The following CDCP2 variants were observed in gnomAD, a reference collection of about 807,000 sequenced individuals.
CDCP2 encodes CUB domain containing protein 2.
CDCP2 carries 31 observed loss-of-function variants against 31.0 expected under a neutral mutation model. The ratio of observed to expected loss-of-function variants is 1.00; its 90% CI spans 0.75 to 1.35. The LOEUF (loss-of-function observed/expected upper bound fraction) is 1.35. CDCP2 is among the 40% of genes most tolerant of loss of function. The probability of loss-of-function intolerance (pLI) is 0.00; values close to 1 mark genes in which losing one functional copy is unlikely to be tolerated. For synonymous variants in CDCP2, 206 were observed against 207.9 expected (o/e 0.99, Z 0.08); for missense variants, 443 against 482.6 (o/e 0.92, Z 0.77).
In CDCP2 at chr1:54,140,122, G is replaced by C. The variant is rs769038777; in HGVS notation, c.764-16C>G. On this transcript the variant is annotated splice_polypyrimidine_tract_variant and intron_variant, in intron 3 of 5. Transcript: ENST00000530059. ...TGGCATTCTCCTGGATGGGGGATGGGGAGGTGGAAGGAGCAACAGTGAGGG... is the reference window on the plus strand; with the variant it reads ...TGGCATTCTCCTGGATGGGGGATGGCGAGGTGGAAGGAGCAACAGTGAGGG... The C allele has an allele frequency of 5.6e-6, 9 of 1,608,220 alleles. No homozygotes were observed.
intron 1 of CDCP2, among the ~76,000 whole-genome samples, chr1:54,149,830 G>A (rs990792425): frequency 6.6e-6 from 1 of 152,218 alleles, no homozygotes; most frequent in African/African-American, 2.4e-5. Flanking sequence ...GAATGAGTGA[G>A]TGAATAATCT....
intron 1 of CDCP2, 136 bp downstream of exon 1, chr1:54,152,708 A>C (rs1478920128): frequency 1.4e-6 from 1 of 734,084 alleles, no homozygotes; most frequent in Non-Finnish European, 2.3e-6. Flanking sequence ...AGGAACAAAC[A>C]CATTCTCAAC....
chr1:54,150,047 T>C (rs1048392982), intron 1 of CDCP2, among the ~76,000 whole-genome samples: 42 of 152,248 alleles, frequency 2.8e-4, no homozygotes, highest in African/African-American at 1.0e-3. Flanking sequence ...CTCCATGTGG[T>C]AACCCTCCCT....
At chr1:54,133,634 C>G in intron 5 of CDCP2, among the ~76,000 whole-genome samples, 1 of 152,182 alleles carries the variant, frequency 6.6e-6, no homozygotes, top group East Asian at 1.9e-4. Flanking sequence ...CGGTGGCTCA[C>G]GCCTGTAATC....
intron 2 of CDCP2, chr1:54,142,900 G>A (rs1434642944): frequency 6.6e-6 from 1 of 152,182 alleles, no homozygotes; most frequent in Non-Finnish European, 1.5e-5. Flanking sequence ...CTCTTTTAAT[G>A]TAATGAAAAG....
intron 5 of CDCP2, among the ~76,000 whole-genome samples, chr1:54,134,088 GGGCTTTTCAA>G (rs1181581008): frequency 1.3e-5 from 2 of 151,970 alleles, no homozygotes; most frequent in Non-Finnish European, 2.9e-5. Flanking sequence ...GAACCAAAGG[GGGCTTTTCAA>G]AGCATCGACT....
intron 1 of CDCP2, among the ~76,000 whole-genome samples, chr1:54,151,070 G>C (rs1165189085): frequency 6.6e-6 from 1 of 152,158 alleles, no homozygotes; most frequent in Admixed American, 6.5e-5. Context: ...TATCAAGGAG[G>C]GGCAAGATTT....
intron 5 of CDCP2, among the ~76,000 whole-genome samples, chr1:54,136,170 T>TG (rs1358631679): frequency 6.6e-6 from 1 of 152,106 alleles, no homozygotes; most frequent in Non-Finnish European, 1.5e-5. Flanking sequence ...AGGTTGGGGA[T>TG]GGGTGGGAGA....
intron 2 of CDCP2, chr1:54,141,686 A>G (rs951641622): frequency 1.8e-5 from 7 of 382,738 alleles, no homozygotes; most frequent in Non-Finnish European, 2.8e-5. Context: ...TGATTTTATA[A>G]TTAAGAAAAG....
chr1:54,133,914 A>AAACAAACCAAC (rs1275262427), intron 5 of CDCP2, among the ~76,000 whole-genome samples: 1 of 147,704 alleles, frequency 6.8e-6, no homozygotes, highest in Non-Finnish European at 1.5e-5. Context: ...ACAAACAAAC[A>AAACAAACCAAC]AAAAAAACCC....
chr1:54,144,473 G>A, exon 2 of CDCP2: 1 of 1,572,166 alleles, frequency 6.4e-7, no homozygotes, highest in African/African-American at 1.3e-5. Flanking sequence ...GACCTTTCTG[G>A]TAGCCCGCAG....
intron 2 of CDCP2, chr1:54,142,984 A>G (rs1659400331): frequency 6.6e-6 from 1 of 152,250 alleles, no homozygotes; most frequent in African/African-American, 2.4e-5. Context: ...AATTTAACTC[A>G]TTAGAGGCCA....
intron 1 of CDCP2, among the ~76,000 whole-genome samples, chr1:54,148,974 A>ATATATAATATATTTATTATAT (rs149408012): frequency 6.8e-6 from 1 of 146,286 alleles, no homozygotes; most frequent in African/African-American, 2.5e-5. Context: ...TTAAAAAAAA[A>ATATATAATATATTTATTATAT]ATATATATAT....
rs1166056551 is a variant in CDCP2, at chr1:54,133,278, G to C, written c.1313C>G (p.Ser438Ter). 16 of 399,006 alleles carry C rather than the reference G, an allele frequency of 4.0e-5. No homozygotes were observed. The East Asian group carries it at 4.3e-4, about 11-fold the overall frequency. 24.7% of individuals were successfully genotyped at this position (399,006 alleles called of 1,614,324 possible). A position where few individuals can be genotyped will look rare whatever the true frequency, so the allele number is the denominator to read the frequency against. Residue 438 changes from serine (S) to a stop codon, truncating the protein, a stop_gained, in exon 6 of 6, where the codon TCA (serine) becomes TGA (stop). Transcript: ENST00000530059. LOFTEE classifies it high-confidence loss of function. ...GATGTACAGCACGCTGACAATCACT[G>C]AAGTGTTGTTTCTTCTCTGTGGGGT... is the stretch of plus-strand genomic sequence containing the variant.
rs144985347 is a variant in CDCP2, at chr1:54,144,981, G to A, written c.80-168C>T. 7.5e-3 allele frequency among the ~76,000 whole-genome samples: 1,137 copies of A among 152,272 alleles called. 6 individuals are homozygous for A. The highest frequency in any genetic ancestry group is 0.029 in the South Asian group (140 of 4,820). ...TACTTATTCTTCAGATGCTGACCAA[G>A]CATGCTGGTATTCATTCCACAAATA... On this transcript the variant is annotated intron_variant, in intron 1 of 5. Coordinates refer to ENST00000530059, the Ensembl canonical transcript of CDCP2.
intron 1 of CDCP2, among the ~76,000 whole-genome samples, chr1:54,145,538 C>T (rs1282399685): frequency 6.6e-6 from 1 of 151,864 alleles, no homozygotes; most frequent in Non-Finnish European, 1.5e-5. Flanking sequence ...AGGCAGGGCC[C>T]GAGAATTTTA....
intron 5 of CDCP2, among the ~76,000 whole-genome samples, chr1:54,135,189 G>A (rs1659238295): frequency 6.6e-6 from 1 of 151,164 alleles, no homozygotes; most frequent in Non-Finnish European, 1.5e-5. Context: ...GAGAATGGGG[G>A]TGGGGGGAAG....
intron 4 of CDCP2, among the ~76,000 whole-genome samples, chr1:54,137,333 C>T (rs937931020): frequency 6.6e-6 from 1 of 151,946 alleles, no homozygotes; most frequent in African/African-American, 2.4e-5. Flanking sequence ...TGTCAGCGTG[C>T]CCCAAAGGAA....
intron 1 of CDCP2, among the ~76,000 whole-genome samples, chr1:54,149,071 A>C (rs1659530025): frequency 6.7e-6 from 1 of 149,550 alleles, no homozygotes; most frequent in Non-Finnish European, 1.5e-5. Context: ...TTAGCACATA[A>C]ATTAAGGAAT....
Sources: gnomAD v4.1 joint callset for allele counts (sites outside exome capture counted in the v4.1 genomes callset) on GRCh38, gnomAD v4.1.1 for gene constraint, MANE v1.5 for transcripts, NCBI Gene and HGNC (gene_info 2026-07-23, HGNC 2026-07-21) for gene names.